The following CHRNA9 variants were observed in gnomAD, a reference collection of about 807,000 sequenced individuals.
CHRNA9 encodes the protein cholinergic receptor nicotinic alpha 9 subunit.
Under a neutral mutation model 36.8 loss-of-function variants are expected in CHRNA9, and 24 were observed. That is an observed-to-expected ratio of 0.65 (90% CI 0.47 to 0.92). The LOEUF (loss-of-function observed/expected upper bound fraction) is 0.92. Among genes scored for constraint, CHRNA9 ranks in the 40% least tolerant of loss-of-function variants. The pLI is 0.00. For missense variants in CHRNA9, 610 were observed against 601.2 expected, an observed-to-expected ratio of 1.01 and a Z score of -0.15; for synonymous variants, 231 against 231.8, an observed-to-expected ratio of 1.00 and a Z score of 0.03.
intron 3 of CHRNA9, 91 bp downstream of exon 3, chr4:40,337,455 G>A: frequency 7.2e-7 from 1 of 1,396,030 alleles, no homozygotes; most frequent in East Asian, 2.3e-5. Context: ...TTTAAAACAT[G>A]CATGAAATTA....
intron 4 of CHRNA9, 95 bp downstream of exon 4, chr4:40,349,509 G>A: frequency 7.8e-7 from 1 of 1,285,232 alleles, no homozygotes; most frequent in Non-Finnish European, 1.1e-6. Flanking sequence ...TGAAAAAATG[G>A]AGCCAATTTC....
intron 3 of CHRNA9, among the ~76,000 whole-genome samples, chr4:40,341,505 G>T (rs1054739010): frequency 1.3e-5 from 2 of 152,074 alleles, no homozygotes; most frequent in African/African-American, 4.8e-5. Flanking sequence ...CCTCTGATTG[G>T]TTGTAGGTCA....
At chr4:40,338,073 A>G in intron 3 of CHRNA9, 1 of 152,212 alleles carries the variant, frequency 6.6e-6, no homozygotes, top group East Asian at 1.9e-4. Flanking sequence ...AACTCTTAAC[A>G]GTGACACTCA....
chr4:40,349,606 C>T, intron 4 of CHRNA9, 192 bp downstream of exon 4: 1 of 579,984 alleles, frequency 1.7e-6, no homozygotes, highest in South Asian at 2.4e-5. Context: ...CAAAACTGGT[C>T]TTATGGTCTC....
intron 3 of CHRNA9, among the ~76,000 whole-genome samples, chr4:40,345,310 G>A (rs1712608299): frequency 6.6e-6 from 1 of 152,106 alleles, no homozygotes; most frequent in Non-Finnish European, 1.5e-5. Context: ...CCAGCACTTT[G>A]GGAAGCCAAG....
intron 4 of CHRNA9, among the ~76,000 whole-genome samples, chr4:40,351,331 C>CAAAA (rs113056490): frequency 1.4e-5 from 2 of 145,620 alleles, no homozygotes; most frequent in Non-Finnish European, 1.5e-5. Context: ...GACTTCGTCT[C>CAAAA]AAAAAAAAAA....
chr4:40,342,603 A>T (rs1161753486), intron 3 of CHRNA9, among the ~76,000 whole-genome samples: 1 of 152,210 alleles, frequency 6.6e-6, no homozygotes, highest in Non-Finnish European at 1.5e-5. Flanking sequence ...GGAAGAGTTG[A>T]AGAAGATGAA....
chr4:40,338,407 G>A (rs1233145978), intron 3 of CHRNA9, among the ~76,000 whole-genome samples: 1 of 152,164 alleles, frequency 6.6e-6, no homozygotes, highest in African/African-American at 2.4e-5. Flanking sequence ...TGCATTTTGA[G>A]AAAAATACCA....
Position 40,349,431 on chromosome 4 carries a change from T to C in CHRNA9, c.898+17T>C. ...CCCTGATAGGTGAGTCCAAGTGTCT[T>C]CCACTTCAAGCCCAGCTTTGTAGTG... On this transcript the variant is annotated intron_variant, in intron 4 of 4. Coordinates refer to ENST00000310169, the MANE Select transcript of CHRNA9 (RefSeq NM_017581.4). 1 of 1,602,252 alleles carries C rather than the reference T, an allele frequency of 6.2e-7. No individual in the cohort carries two copies. Among genetic ancestry groups the C allele is most frequent in the South Asian group, 1.1e-5 (1 of 89,398 alleles).
chr4:40,337,143 G>A, intron 2 of CHRNA9, 67 bp from the exon 3 acceptor site: 1 of 1,426,684 alleles, frequency 7.0e-7, no homozygotes, highest in Admixed American at 1.7e-5. Flanking sequence ...TGAAGAACAA[G>A]TGTCCTATCA....
intron 2 of CHRNA9, among the ~76,000 whole-genome samples, chr4:40,336,310 C>T (rs923844836): frequency 2.6e-5 from 4 of 151,984 alleles, no homozygotes; most frequent in African/African-American, 4.8e-5. Flanking sequence ...GTGGGGAGGA[C>T]GGGGAAAACG....
At chr4:40,343,562 C>T (rs556180825) in intron 3 of CHRNA9, among the ~76,000 whole-genome samples, 1 of 152,184 alleles carries the variant, frequency 6.6e-6, no homozygotes, top group Non-Finnish European at 1.5e-5. Flanking sequence ...AGCTACACTT[C>T]GAGATGAGAT....
chr4:40,345,077 C>T (rs2109683492), intron 3 of CHRNA9, among the ~76,000 whole-genome samples: 1 of 152,196 alleles, frequency 6.6e-6, no homozygotes, highest in Middle Eastern at 3.4e-3. Context: ...TGAAGGAGAC[C>T]AGCAGAAGGC....
At chr4:40,352,426 T>A (rs1412152597) in intron 4 of CHRNA9, among the ~76,000 whole-genome samples, 2 of 152,174 alleles carry the variant, frequency 1.3e-5, no homozygotes, top group African/African-American at 2.4e-5. Flanking sequence ...GGTTTCACCA[T>A]GTTGGCCAGG....
At chr4:40,342,748 G>C (rs986284636) in intron 3 of CHRNA9, among the ~76,000 whole-genome samples, 1 of 152,148 alleles carries the variant, frequency 6.6e-6, no homozygotes, top group Non-Finnish European at 1.5e-5. Context: ...GTGTGTGGAA[G>C]GAGATGAGAG....
intron 3 of CHRNA9, among the ~76,000 whole-genome samples, chr4:40,344,841 C>A (rs573541070): frequency 1.3e-5 from 2 of 152,236 alleles, no homozygotes; most frequent in South Asian, 4.1e-4. Flanking sequence ...AAATGCAAGT[C>A]CCTTATAACA....
chr4:40,352,895 T>C (rs1560319164), intron 4 of CHRNA9, among the ~76,000 whole-genome samples: 1 of 152,216 alleles, frequency 6.6e-6, no homozygotes, highest in Non-Finnish European at 1.5e-5. Flanking sequence ...CATTAATTGT[T>C]TGTTCGTTGA....
intron 4 of CHRNA9, 118 bp downstream of exon 4, chr4:40,349,532 A>G: frequency 2.0e-6 from 2 of 984,754 alleles, no homozygotes; most frequent in Non-Finnish European, 3.0e-6. Context: ...CTCAATACAG[A>G]CTGTCTCAAA....
intron 3 of CHRNA9, among the ~76,000 whole-genome samples, chr4:40,345,029 G>A (rs145672423): frequency 5.3e-5 from 8 of 152,280 alleles, no homozygotes; most frequent in African/African-American, 1.9e-4. Flanking sequence ...AACTCACAGG[G>A]TTTGTTGGGA....
Sources: allele counts gnomAD v4.1 joint callset (sites outside exome capture counted in the v4.1 genomes callset), GRCh38; gene constraint gnomAD v4.1.1; transcripts MANE v1.5; gene names NCBI Gene and HGNC (gene_info 2026-07-23, HGNC 2026-07-21).